The following DYNC1LI1 variants were observed in gnomAD, a reference collection of about 807,000 sequenced individuals.
DYNC1LI1 encodes dynein cytoplasmic 1 light intermediate chain 1, also known as cytoplasmic dynein 1 light intermediate chain 1.
Under a neutral mutation model 63.8 loss-of-function variants are expected in DYNC1LI1, and 19 were observed. The observed-to-expected ratio is 0.30, with a 90% CI of 0.21 to 0.44. The LOEUF (loss-of-function observed/expected upper bound fraction) is 0.44. Ranked by LOEUF, DYNC1LI1 falls within the 20% of genes least tolerant of loss-of-function variation. The pLI, the probability that DYNC1LI1 is intolerant of heterozygous loss-of-function variation, is 1.00. For missense variants in DYNC1LI1, 565 were observed against 630.2 expected, an observed-to-expected ratio of 0.90 and a Z score of 1.11; for synonymous variants, 225 against 232.3, an observed-to-expected ratio of 0.97 and a Z score of 0.28.
chr3:32,559,058 C>CTTTTTT (rs113088362), intron 2 of DYNC1LI1, among the ~76,000 whole-genome samples: 6 of 141,678 alleles, frequency 4.2e-5, no homozygotes, highest in African/African-American at 1.6e-4. Context: ...ATTACTACTA[C>CTTTTTT]TTTTTTTTTT....
chr3:32,530,319 C>T lies in DYNC1LI1; in HGVS notation c.1150G>A (p.Ala384Thr). The change falls in exon 10 of 13, where the codon GCA becomes ACA. Residue 384 changes from alanine (A) to threonine (T), a missense_variant. Transcript: ENST00000273130. ...CCAGCTGCAGTTGGTGGTTGCTTTG[C>T]TAAAAGGGACTGAAAAAAAAAAAAA... The part of the protein sequence containing the change: ...VFLMKLQSLL[A>T]KQPPTAAGRP... 6.3e-7 allele frequency: 1 copy of T among 1,588,858 alleles called. No homozygotes were observed. The highest frequency in any genetic ancestry group is 8.6e-7 in the Non-Finnish European group (1 of 1,169,194).
intron 6 of DYNC1LI1, 58 bp from the exon 7 acceptor site, chr3:32,534,704 A>G: frequency 7.3e-7 from 1 of 1,367,240 alleles, no homozygotes; most frequent in South Asian, 1.7e-5. Flanking sequence ...ATACCATAAA[A>G]TTCTGTGTTT....
chr3:32,536,580 G>A (rs1697776968), intron 6 of DYNC1LI1, among the ~76,000 whole-genome samples: 1 of 152,136 alleles, frequency 6.6e-6, no homozygotes, highest in Non-Finnish European at 1.5e-5. Context: ...TAGATAGGCA[G>A]AGCCAGATTT....
At chr3:32,570,123 G>GGGA (rs753157955) in intron 2 of DYNC1LI1, 9 of 680,938 alleles carry the variant, frequency 1.3e-5, no homozygotes, top group South Asian at 4.7e-5. Flanking sequence ...CCATATACCG[G>GGGA]GGAGGAGGAG....
intron 2 of DYNC1LI1, among the ~76,000 whole-genome samples, chr3:32,560,186 AAACTTATGGAGG>A (rs1316699867): frequency 6.6e-6 from 1 of 152,050 alleles, no homozygotes; most frequent in Non-Finnish European, 1.5e-5. Flanking sequence ...TGTAATCCCA[AAACTTATGGAGG>A]CTGAGGCAGG....
chr3:32,538,039 A>T (rs1317183262), intron 5 of DYNC1LI1, among the ~76,000 whole-genome samples: 1 of 8,058 alleles, frequency 1.2e-4, no homozygotes, highest in Non-Finnish European at 1.6e-4. Context: ...TATATAATAT[A>T]TATATATAAT....
chr3:32,532,485 G>GTATATATATATATATATATATATA lies in DYNC1LI1; in HGVS notation c.1080+500_1080+501insTATATATATATATATATATATATA, dbSNP rs1292389896. ...CATCTCAAAAAAAAAAAAAAAATGTGTGTATATATATATATATATATAAAA... is the reference window on the plus strand; with the variant it reads ...CATCTCAAAAAAAAAAAAAAAATGTGTATATATATATATATATATATATATGTATATATATATATATATATAAAA... On this transcript the variant is annotated intron_variant, in intron 8 of 12. Coordinates refer to ENST00000273130, the MANE Select transcript of DYNC1LI1 (RefSeq NM_016141.4). 247 of 122,236 alleles carry GTATATATATATATATATATATATA rather than the reference G, an allele frequency of 2.0e-3. 6 individuals carry two copies. The highest frequency in any genetic ancestry group is 0.015 in the East Asian group (56 of 3,806). 7.6% of individuals were successfully genotyped at this position (122,236 alleles called of 1,614,324 possible).
intron 2 of DYNC1LI1, among the ~76,000 whole-genome samples, chr3:32,567,377 C>T (rs1326491071): frequency 6.6e-6 from 1 of 152,066 alleles, no homozygotes; most frequent in Non-Finnish European, 1.5e-5. Context: ...CCTTTACTCC[C>T]ATCAGGTTGT....
intron 7 of DYNC1LI1, among the ~76,000 whole-genome samples, chr3:32,534,043 A>G (rs1402160508): frequency 6.6e-6 from 1 of 151,568 alleles, no homozygotes; most frequent in African/African-American, 2.4e-5. Flanking sequence ...CACCCGGGCT[A>G]ATTTTTGTAT....
chr3:32,564,509 C>T (rs1010328646), intron 2 of DYNC1LI1, among the ~76,000 whole-genome samples: 1 of 152,144 alleles, frequency 6.6e-6, no homozygotes, highest in African/African-American at 2.4e-5. Context: ...CAACAGAGAC[C>T]ATATGACTTA....
At chr3:32,538,515 A>G (rs1697832117) in intron 5 of DYNC1LI1, among the ~76,000 whole-genome samples, 1 of 151,962 alleles carries the variant, frequency 6.6e-6, no homozygotes, top group Non-Finnish European at 1.5e-5. Context: ...CCTGGCTAAC[A>G]CGGTGAAACC....
chr3:32,532,507 A>ATATATATATATATATATATATATATAT (rs1553617333), intron 8 of DYNC1LI1: 2 of 147,580 alleles, frequency 1.4e-5, no homozygotes, highest in Admixed American at 6.8e-5. Context: ...ATATATATAT[A>ATATATATATATATATATATATATATAT]AAATTGAAAG....
At chr3:32,534,245 A>G (rs995829208) in intron 7 of DYNC1LI1, among the ~76,000 whole-genome samples, 2 of 152,212 alleles carry the variant, frequency 1.3e-5, no homozygotes, top group African/African-American at 4.8e-5. Context: ...TTAAAGAATA[A>G]GCAGATACAA....
intron 7 of DYNC1LI1, among the ~76,000 whole-genome samples, chr3:32,533,453 G>A (rs1697728876): frequency 6.6e-6 from 1 of 152,134 alleles, no homozygotes; most frequent in Non-Finnish European, 1.5e-5. Context: ...TTCCAGGATG[G>A]GCAACAGGAG....
intron 7 of DYNC1LI1, among the ~76,000 whole-genome samples, chr3:32,533,921 A>C (rs1697739171): frequency 6.8e-6 from 1 of 147,140 alleles, no homozygotes; most frequent in Non-Finnish European, 1.5e-5. Context: ...CTGTCACCTA[A>C]GCTGGAGTGA....
intron 2 of DYNC1LI1, among the ~76,000 whole-genome samples, chr3:32,559,426 G>C (rs1698160142): frequency 6.6e-6 from 1 of 152,020 alleles, no homozygotes; most frequent in Non-Finnish European, 1.5e-5. Flanking sequence ...TTTTTGTAGA[G>C]CAAGATTTCA....
At chr3:32,534,475 T>C (rs1445667336) in intron 7 of DYNC1LI1, 36 bp downstream of exon 7, 3 of 1,440,346 alleles carry the variant, frequency 2.1e-6, no homozygotes, top group Non-Finnish European at 2.9e-6. Context: ...GTAGCAATAA[T>C]ACATGATAAA....
intron 12 of DYNC1LI1, among the ~76,000 whole-genome samples, chr3:32,527,336 C>T (rs1483008410): frequency 1.3e-5 from 2 of 151,878 alleles, no homozygotes; most frequent in Non-Finnish European, 2.9e-5. Context: ...AAAACAAATT[C>T]CCTCATTTTA....
intron 2 of DYNC1LI1, among the ~76,000 whole-genome samples, chr3:32,551,892 A>G (rs1052236584): frequency 2.6e-5 from 4 of 152,120 alleles, no homozygotes; most frequent in African/African-American, 9.7e-5. Flanking sequence ...TTCTCACTCT[A>G]TATGTAATTC....
Sources: gnomAD v4.1 joint callset for allele counts (sites outside exome capture counted in the v4.1 genomes callset) on GRCh38, gnomAD v4.1.1 for gene constraint, MANE v1.5 for transcripts, NCBI Gene and HGNC (gene_info 2026-07-23, HGNC 2026-07-21) for gene names.